The following ERICH3 variants were observed in gnomAD, a reference collection of about 807,000 sequenced individuals.
ERICH3 encodes the protein glutamate-rich protein 3.
ERICH3 carries 126 observed loss-of-function variants against 131.1 expected under a neutral mutation model. The observed-to-expected ratio is 0.96, with a 90% CI of 0.83 to 1.11. ERICH3 has a LOEUF of 1.11. ERICH3 is among the 50% of genes most tolerant of loss of function. ERICH3 has a pLI of 0.00. For synonymous variants in ERICH3, 695 were observed against 644.6 expected (o/e 1.08, Z -1.18); for missense variants, 2,050 against 1,810.7 (o/e 1.13, Z -2.40).
Position 74,571,529 on chromosome 1 carries a change from A to G in ERICH3, c.4181T>C (p.Val1394Ala). Reference sequence around the variant, plus strand: ...CTTCCCTGCAGCTGCTGTTTTTCCTACTAACTCATCCTGTTGGTGCCAGGT... The same window carrying G: ...CTTCCCTGCAGCTGCTGTTTTTCCTGCTAACTCATCCTGTTGGTGCCAGGT... ...EETWHQQDEL[V>A]GKTAAAGKVV... Residue 1394 changes from valine (V) to alanine (A), a missense_variant, in exon 14 of 15, where the codon GTA becomes GCA. Val to Ala is a moderately conservative substitution (Grantham distance 64). Coordinates refer to ENST00000326665, the MANE Select transcript of ERICH3 (RefSeq NM_001002912.5). The G allele has an allele frequency of 1.2e-6, 2 of 1,613,780 alleles. No individual in the cohort carries two copies. The highest frequency in any genetic ancestry group is 1.7e-6 in the Non-Finnish European group (2 of 1,179,940).
At chr1:74,600,865 T>A (rs1319736418) in intron 10 of ERICH3, among the ~76,000 whole-genome samples, 1 of 151,738 alleles carries the variant, frequency 6.6e-6, no homozygotes, top group Non-Finnish European at 1.5e-5. Flanking sequence ...TGTTTCTCAA[T>A]TTTGTGTGTT....
At chr1:74,621,865 AG>A (rs932395202) in intron 7 of ERICH3, 5 of 152,122 alleles carry the variant, frequency 3.3e-5, no homozygotes, top group African/African-American at 4.8e-5. Flanking sequence ...AAAGACTTTA[AG>A]GGGGGCTAGT....
chr1:74,586,443 A>C, intron 12 of ERICH3: 1 of 984,186 alleles, frequency 1.0e-6, no homozygotes, highest in Non-Finnish European at 1.2e-6. Flanking sequence ...ATCCCTGGAG[A>C]AAAAGAGTAA....
chr1:74,606,102 G>A (rs1206668172), intron 10 of ERICH3, among the ~76,000 whole-genome samples: 1 of 151,112 alleles, frequency 6.6e-6, no homozygotes, highest in Non-Finnish European at 1.5e-5. Context: ...GGAGAGAACA[G>A]AGAAAAAAGA....
At chr1:74,634,627 C>T in intron 6 of ERICH3, 6 of 712,366 alleles carry the variant, frequency 8.4e-6, no homozygotes, top group Non-Finnish European at 2.6e-6. Context: ...ATCAAAGTAG[C>T]ATTAATAATT....
In ERICH3 at chr1:74,606,628, C is replaced by A; in HGVS notation, c.1462G>T (p.Asp488Tyr). 1 of 1,609,746 alleles carries A rather than the reference C, an allele frequency of 6.2e-7. No individual in the cohort carries two copies. The highest frequency in any genetic ancestry group is 2.2e-5 in the East Asian group (1 of 44,814). ...KGKPGQEVLE[D>Y]DQENTLKYEY... ...TATTTTAAAGTATTTTCCTGGTCGT[C>A]TTCCAAGACTTCTTGTCCTGGTTTT... is the stretch of plus-strand genomic sequence containing the variant. Residue 488 changes from aspartate to tyrosine, a missense_variant, in exon 10 of 15, where the codon GAC becomes TAC. By Grantham distance (160) the Asp-to-Tyr change is radical. Coordinates refer to ENST00000326665, the MANE Select transcript of ERICH3 (RefSeq NM_001002912.5).
chr1:74,574,436 A>G (rs1647015815), intron 13 of ERICH3, among the ~76,000 whole-genome samples: 1 of 152,190 alleles, frequency 6.6e-6, no homozygotes, highest in Admixed American at 6.5e-5. Flanking sequence ...AGATTTAGTC[A>G]TCACAAATTG....
At chr1:74,646,915 C>T (rs696118) in intron 2 of ERICH3, 123 bp from the exon 3 acceptor site, 1 of 250,870 alleles carries the variant, frequency 4.0e-6, no homozygotes, top group Non-Finnish European at 7.2e-6. Context: ...CACACACACA[C>T]AGAGAGAGAA....
rs1016113844 is a variant in ERICH3 at position 74,582,276 on chromosome 1, C to T, written c.2177-5340G>A. Among the ~76,000 whole-genome samples, 6 of 152,154 alleles carry T rather than the reference C, an allele frequency of 3.9e-5. No individual in the cohort carries two copies. The South Asian group carries it at 1.2e-3, about 32-fold the overall frequency. ...CTTTTTTAACTTCTATGAGGATGCT[C>T]CTCTTTCTCATGGGAAACAAACACA... On this transcript the variant is annotated intron_variant, in intron 12 of 14. Coordinates refer to ENST00000326665, the MANE Select transcript of ERICH3 (RefSeq NM_001002912.5).
chr1:74,671,648 A>C (rs1488422350), intron 1 of ERICH3, among the ~76,000 whole-genome samples: 2 of 152,222 alleles, frequency 1.3e-5, no homozygotes, highest in Non-Finnish European at 2.9e-5. Flanking sequence ...AGGGTAACTA[A>C]AAACCAGCAT....
intron 10 of ERICH3, among the ~76,000 whole-genome samples, chr1:74,603,686 G>A (rs575527764): frequency 3.9e-5 from 6 of 151,968 alleles, no homozygotes; most frequent in African/African-American, 1.4e-4. Context: ...GTTTCCCAGT[G>A]CATCCAAAAT....
At chr1:74,623,346 C>T (rs1649297374) in intron 7 of ERICH3, 1 of 152,180 alleles carries the variant, frequency 6.6e-6, no homozygotes, top group South Asian at 2.1e-4. Context: ...ATATTTGCAA[C>T]ATTTAGCATT....
At chr1:74,615,089 G>C (rs1216866302) in intron 8 of ERICH3, 1 of 152,194 alleles carries the variant, frequency 6.6e-6, no homozygotes, top group Non-Finnish European at 1.5e-5. Context: ...TGTAGCTGGA[G>C]AGTATGCCCA....
intron 10 of ERICH3, among the ~76,000 whole-genome samples, chr1:74,600,574 A>G (rs1388424664): frequency 6.6e-6 from 1 of 151,904 alleles, no homozygotes; most frequent in Non-Finnish European, 1.5e-5. Context: ...TTTACACAAA[A>G]TAGAATATTC....
At chr1:74,649,354 G>T in intron 1 of ERICH3, 39 bp from the exon 2 acceptor site, 2 of 1,516,176 alleles carry the variant, frequency 1.3e-6, no homozygotes, top group Non-Finnish European at 1.8e-6. Flanking sequence ...TTTTACAAGG[G>T]GTTGTTTGAT....
intron 5 of ERICH3, among the ~76,000 whole-genome samples, chr1:74,638,795 T>G (rs1646413322): frequency 6.6e-6 from 1 of 152,094 alleles, no homozygotes; most frequent in South Asian, 2.1e-4. Flanking sequence ...TCTGGTGAAA[T>G]ATCCAAACGG....
intron 11 of ERICH3, among the ~76,000 whole-genome samples, chr1:74,596,583 G>A (rs749096617): frequency 1.3e-5 from 2 of 151,926 alleles, no homozygotes; most frequent in Non-Finnish European, 2.9e-5. Context: ...TATTCTTCCT[G>A]TCTAACTGTA....
intron 4 of ERICH3, 61 bp downstream of exon 4, chr1:74,642,966 T>C (rs1646449072): frequency 3.9e-6 from 5 of 1,274,186 alleles, no homozygotes; most frequent in Admixed American, 3.8e-5. Flanking sequence ...ATAGTTTCAC[T>C]GTTTTTTTTA....
At chr1:74,671,308 C>T (rs1005961686) in intron 1 of ERICH3, among the ~76,000 whole-genome samples, 2 of 151,998 alleles carry the variant, frequency 1.3e-5, no homozygotes, top group Non-Finnish European at 2.9e-5. Flanking sequence ...CTGCTTTTGC[C>T]CTTTGTCCTG....
Sources: allele counts gnomAD v4.1 joint callset (sites outside exome capture counted in the v4.1 genomes callset), GRCh38; gene constraint gnomAD v4.1.1; transcripts MANE v1.5; gene names NCBI Gene and HGNC (gene_info 2026-07-23, HGNC 2026-07-21).